Variants in ARL8B observed in about 807,000 individuals in gnomAD.
The protein encoded by ARL8B is ADP-ribosylation factor-like protein 8B.
In ARL8B, 9 loss-of-function variants were observed where a neutral mutation model predicts 30.6. The ratio of observed to expected loss-of-function variants is 0.29; its 90% CI spans 0.18 to 0.51. The LOEUF (loss-of-function observed/expected upper bound fraction) is 0.51. Among genes scored for constraint, ARL8B ranks in the 20% least tolerant of loss-of-function variants. The pLI, the probability that ARL8B is intolerant of heterozygous loss-of-function variation, is 0.97. For synonymous variants in ARL8B, 74 were observed against 76.0 expected, an observed-to-expected ratio of 0.97 and a Z score of 0.14; for missense variants, 130 against 227.2, an observed-to-expected ratio of 0.57 and a Z score of 2.75.
intron 1 of ARL8B, chr3:5,128,593 A>C (rs1003354591): frequency 3.0e-5 from 10 of 335,186 alleles, no homozygotes; most frequent in Admixed American, 1.2e-4. Flanking sequence ...TAGTAAGTGG[A>C]TGGTTACTGA....
chr3:5,134,654 C>T (rs1426111517), intron 1 of ARL8B, among the ~76,000 whole-genome samples: 2 of 152,142 alleles, frequency 1.3e-5, no homozygotes. Flanking sequence ...CATTACTGAT[C>T]ATTTTACTGT....
chr3:5,173,961 C>T lies in ARL8B; in HGVS notation c.373-56C>T. On this transcript the variant is annotated intron_variant, in intron 4 of 6. Coordinates refer to ENST00000256496, the MANE Select transcript of ARL8B (RefSeq NM_018184.3). ...TGTCTTCACATATCAAGATGATAAA[C>T]TTCTGTGACTTTTTCTTGCATAAAC... 3.1e-6 allele frequency: 4 copies of T among 1,288,382 alleles called. 1 individual carries two copies. Among genetic ancestry groups the T allele is most frequent in the South Asian group, 2.4e-5 (2 of 83,452 alleles). The allele number at this position is 1,288,382 out of a possible 1,614,324, so 79.8% of individuals were successfully genotyped here.
chr3:5,127,762 A>C (rs745873261), intron 1 of ARL8B, among the ~76,000 whole-genome samples: 1 of 151,192 alleles, frequency 6.6e-6, no homozygotes, highest in Non-Finnish European at 1.5e-5. Context: ...AGTCCCAGCT[A>C]CTCGGGAGGC....
chr3:5,171,615 T>A (rs2054677164), intron 2 of ARL8B, among the ~76,000 whole-genome samples: 1 of 152,214 alleles, frequency 6.6e-6, no homozygotes, highest in Non-Finnish European at 1.5e-5. Flanking sequence ...CCCAAAGTGC[T>A]GGGATTATAG....
chr3:5,130,194 A>ATAT (rs1553577205), intron 1 of ARL8B, among the ~76,000 whole-genome samples: 212 of 147,652 alleles, frequency 1.4e-3, no homozygotes, highest in African/African-American at 4.7e-3. Flanking sequence ...AAAAATATAT[A>ATAT]TTTTTTTTTT....
At position 5,122,418 on chromosome 3, in the gene ARL8B, G is replaced by A. The variant is rs1302262301; in HGVS notation, c.-48G>A. Reference sequence around the variant, plus strand: ...GCCCGCTCGTGTGGAAGTCGTCGACGCCGCCGCTCGTCCGTCCTCCCGTCC... The same window carrying A: ...GCCCGCTCGTGTGGAAGTCGTCGACACCGCCGCTCGTCCGTCCTCCCGTCC... On this transcript the variant is annotated 5_prime_UTR_variant, in exon 1 of 7. Coordinates refer to ENST00000256496, the MANE Select transcript of ARL8B (RefSeq NM_018184.3). 1 of 1,608,800 alleles carries A rather than the reference G, an allele frequency of 6.2e-7. No individual in the cohort carries two copies.
At chr3:5,174,845 C>T (rs1043367652) in intron 6 of ARL8B, among the ~76,000 whole-genome samples, 2 of 149,936 alleles carry the variant, frequency 1.3e-5, no homozygotes, top group African/African-American at 4.9e-5. Flanking sequence ...CTCCTTCACC[C>T]AGGCTTGAGT....
chr3:5,149,867 C>A (rs1296492832), intron 1 of ARL8B, among the ~76,000 whole-genome samples: 1 of 152,232 alleles, frequency 6.6e-6, no homozygotes, highest in Non-Finnish European at 1.5e-5. Flanking sequence ...ACAATTTAGA[C>A]CATTCAGCAC....
chr3:5,127,156 C>G (rs1279749589), intron 1 of ARL8B, among the ~76,000 whole-genome samples: 3 of 152,084 alleles, frequency 2.0e-5, no homozygotes, highest in South Asian at 4.1e-4. Context: ...GTCTAATTTT[C>G]CCCTCATTTT....
At chr3:5,131,986 C>T (rs1457783889) in intron 1 of ARL8B, among the ~76,000 whole-genome samples, 1 of 152,322 alleles carries the variant, frequency 6.6e-6, no homozygotes, top group East Asian at 1.9e-4. Context: ...TGGGTTCAAG[C>T]AGTCCTCTGC....
At chr3:5,140,797 A>C (rs3796335) in intron 1 of ARL8B, among the ~76,000 whole-genome samples, 1 of 151,910 alleles carries the variant, frequency 6.6e-6, no homozygotes, top group African/African-American at 2.4e-5. Flanking sequence ...TACCAATAAC[A>C]TTCTGGTGGG....
At chr3:5,162,268 T>G (rs1403968775) in intron 1 of ARL8B, among the ~76,000 whole-genome samples, 1 of 152,238 alleles carries the variant, frequency 6.6e-6, no homozygotes, top group Non-Finnish European at 1.5e-5. Flanking sequence ...TGTCACTCAT[T>G]GACCTCAGGT....
intron 1 of ARL8B, among the ~76,000 whole-genome samples, chr3:5,138,838 A>C (rs1483906924): frequency 6.6e-6 from 1 of 152,186 alleles, no homozygotes; most frequent in African/African-American, 2.4e-5. Context: ...ACAATGTCGA[A>C]AGCACTGACT....
Position 5,122,424 on chromosome 3 carries a change from G to C in ARL8B, c.-42G>C. 1 of 1,609,774 alleles carries C rather than the reference G, an allele frequency of 6.2e-7. No individual in the cohort carries two copies. ...TCGTGTGGAAGTCGTCGACGCCGCC[G>C]CTCGTCCGTCCTCCCGTCCGTTCTC... On this transcript the variant is annotated 5_prime_UTR_variant, in exon 1 of 7. Coordinates refer to ENST00000256496, the MANE Select transcript of ARL8B (RefSeq NM_018184.3).
In ARL8B at chr3:5,174,871, C is replaced by T. The variant is rs112557019; in HGVS notation, c.511+457C>T. On this transcript the variant is annotated intron_variant, in intron 6 of 6. Coordinates refer to ENST00000256496, the MANE Select transcript of ARL8B (RefSeq NM_018184.3). ...AGGCTTGAGTGCAGTGGCGTGATCT[C>T]GACTTACTGCAACCTCTGCCTCCTG... Among the ~76,000 whole-genome samples, 24 of 151,282 alleles carry T rather than the reference C, an allele frequency of 1.6e-4. No homozygotes were observed. The South Asian group carries it at 2.9e-3, about 18-fold the overall frequency.
intron 1 of ARL8B, among the ~76,000 whole-genome samples, chr3:5,126,911 A>C (rs761506015): frequency 6.6e-6 from 1 of 152,232 alleles, no homozygotes; most frequent in East Asian, 1.9e-4. Context: ...TTATTAAAAA[A>C]TATCTAATAG....
At chr3:5,134,990 C>T (rs1208432151) in intron 1 of ARL8B, among the ~76,000 whole-genome samples, 3 of 152,034 alleles carry the variant, frequency 2.0e-5, no homozygotes, top group Admixed American at 6.6e-5. Flanking sequence ...CTGGGACTGC[C>T]GGCACACACC....
At chr3:5,132,218 C>T (rs1282831830) in intron 1 of ARL8B, among the ~76,000 whole-genome samples, 1 of 151,940 alleles carries the variant, frequency 6.6e-6, no homozygotes. Context: ...GTAGGTATTG[C>T]CCTAAGTTAG....
At chr3:5,175,959 A>C (rs1316510072) in intron 6 of ARL8B, among the ~76,000 whole-genome samples, 1 of 152,182 alleles carries the variant, frequency 6.6e-6, no homozygotes, top group Non-Finnish European at 1.5e-5. Flanking sequence ...TAAAAGTCAC[A>C]TTCTGAGGTT....
Sources: allele counts gnomAD v4.1 joint callset (sites outside exome capture counted in the v4.1 genomes callset), GRCh38; gene constraint gnomAD v4.1.1; transcripts MANE v1.5; gene names NCBI Gene and HGNC (gene_info 2026-07-23, HGNC 2026-07-21).